CSMD1: variants seen among roughly 807,000 people sequenced by gnomAD.
CSMD1 encodes the protein CUB and Sushi multiple domains 1, also known as CUB and sushi domain-containing protein 1.
Under a neutral mutation model 417.5 loss-of-function variants are expected in CSMD1, and 213 were observed. The observed-to-expected ratio is 0.51, with a 90% CI of 0.46 to 0.57. The LOEUF is 0.57. Among genes scored for constraint, CSMD1 ranks in the 20% least tolerant of loss-of-function variants. The pLI is 0.00. For missense variants in CSMD1, 6,923 were observed against 4,529.7 expected, an observed-to-expected ratio of 1.53 and a Z score of -15.17; for synonymous variants, 2,862 against 1,736.8, an observed-to-expected ratio of 1.65 and a Z score of -16.11.
intron 62 of CSMD1, 44 bp downstream of exon 62, chr8:2,961,097 T>C: frequency 7.8e-7 from 1 of 1,289,244 alleles, no homozygotes; most frequent in Non-Finnish European, 1.1e-6. Context: ...CAAATATATT[T>C]TATATTTCCA....
At chr8:3,542,511 C>T (rs1258118845) in intron 10 of CSMD1, among the ~76,000 whole-genome samples, 1 of 152,154 alleles carries the variant, frequency 6.6e-6, no homozygotes, top group Non-Finnish European at 1.5e-5. Context: ...TCAGTGACTA[C>T]ATCCTGTGTC....
chr8:3,232,854 G>A (rs185736629), intron 26 of CSMD1, among the ~76,000 whole-genome samples: 121 of 151,788 alleles, frequency 8.0e-4, no homozygotes, highest in Non-Finnish European at 1.3e-3. Context: ...ATTTCAGTAT[G>A]TATTTAGTTG....
chr8:4,377,767 A>T (rs1482314603), intron 3 of CSMD1, among the ~76,000 whole-genome samples: 1 of 152,218 alleles, frequency 6.6e-6, no homozygotes, highest in Non-Finnish European at 1.5e-5. Context: ...TCAGGAAAAA[A>T]GAATTTTTGG....
intron 5 of CSMD1, among the ~76,000 whole-genome samples, chr8:3,827,501 C>G (rs1802122100): frequency 6.6e-6 from 1 of 152,112 alleles, no homozygotes; most frequent in African/African-American, 2.4e-5. Context: ...ACTTGTAATT[C>G]CTCTGTGACA....
intron 2 of CSMD1, among the ~76,000 whole-genome samples, chr8:4,506,456 C>A (rs558991463): frequency 6.6e-6 from 1 of 152,100 alleles, no homozygotes; most frequent in Non-Finnish European, 1.5e-5. Flanking sequence ...CACTCCCCTC[C>A]CCTATGCTAA....
At chr8:3,302,969 C>T (rs1386870188) in intron 25 of CSMD1, among the ~76,000 whole-genome samples, 1 of 152,138 alleles carries the variant, frequency 6.6e-6, no homozygotes, top group Admixed American at 6.5e-5. Flanking sequence ...GCAACTGCTC[C>T]CAGAGCCCCA....
chr8:3,656,636 A>G (rs975603579), intron 7 of CSMD1, among the ~76,000 whole-genome samples: 4 of 152,188 alleles, frequency 2.6e-5, no homozygotes, highest in Non-Finnish European at 5.9e-5. Flanking sequence ...TTTCTATTAC[A>G]AAGGCTTTAG....
chr8:3,859,716 A>C (rs1804564831), intron 5 of CSMD1, among the ~76,000 whole-genome samples: 1 of 151,992 alleles, frequency 6.6e-6, no homozygotes, highest in Non-Finnish European at 1.5e-5. Flanking sequence ...CTCAGTAATA[A>C]CTCTGGACAC....
At chr8:3,024,202 G>T (rs1002389943) in intron 51 of CSMD1, among the ~76,000 whole-genome samples, 17 of 150,132 alleles carry the variant, frequency 1.1e-4, no homozygotes, top group African/African-American at 4.2e-4. Flanking sequence ...AGCATAGAAT[G>T]AAATAAAAAT....
chr8:3,685,651 TG>T (rs2129030628), intron 7 of CSMD1, among the ~76,000 whole-genome samples: 1 of 152,286 alleles, frequency 6.6e-6, no homozygotes, highest in Admixed American at 6.5e-5. Flanking sequence ...TTTAGAGGCC[TG>T]GGGGTGCTTT....
chr8:4,852,062 T>A (rs540689318), intron 1 of CSMD1, among the ~76,000 whole-genome samples: 11 of 152,338 alleles, frequency 7.2e-5, no homozygotes, highest in Admixed American at 7.2e-4. Context: ...ATGTGTATAC[T>A]TCCTTACATC....
intron 5 of CSMD1, among the ~76,000 whole-genome samples, chr8:3,854,126 A>T (rs1422435863): frequency 7.0e-6 from 1 of 143,014 alleles, no homozygotes; most frequent in Non-Finnish European, 1.5e-5. Context: ...TATTATACTT[A>T]TATATATAAA....
chr8:4,831,126 T>C (rs1004189891), intron 1 of CSMD1, among the ~76,000 whole-genome samples: 1 of 152,170 alleles, frequency 6.6e-6, no homozygotes, highest in African/African-American at 2.4e-5. Flanking sequence ...AAAAAGAAAC[T>C]GTAAAACTTC....
At chr8:4,854,754 G>A (rs540054681) in intron 1 of CSMD1, among the ~76,000 whole-genome samples, 24 of 152,284 alleles carry the variant, frequency 1.6e-4, no homozygotes, top group African/African-American at 5.8e-4. Context: ...ACCTGGCTCG[G>A]AGGGTCCTAC....
At chr8:4,428,860 A>C (rs1797709826) in intron 2 of CSMD1, among the ~76,000 whole-genome samples, 2 of 151,996 alleles carry the variant, frequency 1.3e-5, no homozygotes, top group South Asian at 4.1e-4. Context: ...CTGGGATTAC[A>C]GGCACCACCA....
intron 5 of CSMD1, among the ~76,000 whole-genome samples, chr8:3,896,773 C>T (rs983243331): frequency 5.9e-5 from 9 of 151,916 alleles, no homozygotes; most frequent in Admixed American, 2.0e-4. Flanking sequence ...TATACGTAAA[C>T]AGCAAGTATA....
At chr8:4,473,760 A>G (rs1220674549) in intron 2 of CSMD1, among the ~76,000 whole-genome samples, 1 of 152,172 alleles carries the variant, frequency 6.6e-6, no homozygotes, top group Non-Finnish European at 1.5e-5. Context: ...TTTTCAACCA[A>G]ATGGCTTTGG....
At chr8:4,380,887 G>C (rs914828113) in intron 3 of CSMD1, among the ~76,000 whole-genome samples, 4 of 151,888 alleles carry the variant, frequency 2.6e-5, no homozygotes, top group Non-Finnish European at 5.9e-5. Flanking sequence ...TTATATTTTA[G>C]GTAGTAATAA....
chr8:3,581,797 C>CT (rs936637023), intron 9 of CSMD1, among the ~76,000 whole-genome samples: 27 of 150,772 alleles, frequency 1.8e-4, no homozygotes, highest in Middle Eastern at 3.5e-3. Context: ...ATGATGCTGT[C>CT]TTTTTTTTTT....
Sources: gnomAD v4.1 joint callset for allele counts (sites outside exome capture counted in the v4.1 genomes callset) on GRCh38, gnomAD v4.1.1 for gene constraint, MANE v1.5 for transcripts, NCBI Gene and HGNC (gene_info 2026-07-23, HGNC 2026-07-21) for gene names.